GRIK2: variants seen among roughly 807,000 people sequenced by gnomAD.
GRIK2 encodes glutamate ionotropic receptor kainate type subunit 2, also known as glutamate receptor ionotropic, kainate 2.
Under a neutral mutation model 100.3 loss-of-function variants are expected in GRIK2, and 32 were observed. The observed-to-expected ratio is 0.32, with a 90% CI of 0.24 to 0.43. The LOEUF (loss-of-function observed/expected upper bound fraction) is 0.43. GRIK2 is among the 20% of genes least tolerant of loss of function. The probability of loss-of-function intolerance (pLI) is 1.00; values close to 1 mark genes in which losing one functional copy is unlikely to be tolerated. For synonymous variants in GRIK2, 417 were observed against 389.4 expected, an observed-to-expected ratio of 1.07 and a Z score of -0.83; for missense variants, 843 against 1,114.9, an observed-to-expected ratio of 0.76 and a Z score of 3.47.
At chr6:101,886,844 G>A (rs1258786039) in intron 11 of GRIK2, among the ~76,000 whole-genome samples, 1 of 39,000 alleles carries the variant, frequency 2.6e-5, no homozygotes, top group African/African-American at 1.0e-4. Context: ...TTTTTTTTTT[G>A]GAGACAGAGT....
At chr6:101,828,836 C>T (rs1782497678) in intron 10 of GRIK2, among the ~76,000 whole-genome samples, 1 of 151,878 alleles carries the variant, frequency 6.6e-6, no homozygotes, top group Admixed American at 6.6e-5. Context: ...ATTATATGCA[C>T]AAAGAAGAGC....
intron 5 of GRIK2, among the ~76,000 whole-genome samples, chr6:101,681,273 G>A (rs949927947): frequency 3.3e-5 from 5 of 152,038 alleles, no homozygotes; most frequent in Non-Finnish European, 7.4e-5. Context: ...TTGTTTGTTT[G>A]TTTTGTAATG....
At chr6:101,418,038 G>A (rs752560539) in intron 2 of GRIK2, among the ~76,000 whole-genome samples, 10 of 152,172 alleles carry the variant, frequency 6.6e-5, no homozygotes, top group East Asian at 3.8e-4. Context: ...GACTACTAGC[G>A]TCAGCTTCTG....
chr6:101,798,736 G>A (rs1780476616), intron 7 of GRIK2, among the ~76,000 whole-genome samples: 1 of 151,998 alleles, frequency 6.6e-6, no homozygotes, highest in Non-Finnish European at 1.5e-5. Context: ...TAGGAGCATT[G>A]TCAGTGTGGC....
chr6:101,529,080 G>A (rs559774018), intron 2 of GRIK2, among the ~76,000 whole-genome samples: 4 of 152,150 alleles, frequency 2.6e-5, no homozygotes, highest in African/African-American at 9.6e-5. Flanking sequence ...ACAAAAAGTA[G>A]GAGTGCCTAG....
chr6:101,624,365 C>T (rs1780324700), intron 3 of GRIK2, among the ~76,000 whole-genome samples: 1 of 152,036 alleles, frequency 6.6e-6, no homozygotes, highest in Non-Finnish European at 1.5e-5. Context: ...CAAGTCTAGC[C>T]ACCATTTATA....
At chr6:101,527,978 G>A (rs1775237345) in intron 2 of GRIK2, among the ~76,000 whole-genome samples, 1 of 152,082 alleles carries the variant, frequency 6.6e-6, no homozygotes, top group South Asian at 2.1e-4. Context: ...GCATGGATTT[G>A]TAGGGTCTGT....
At chr6:101,439,343 C>T (rs1007750542) in intron 2 of GRIK2, among the ~76,000 whole-genome samples, 1 of 152,034 alleles carries the variant, frequency 6.6e-6, no homozygotes, top group African/African-American at 2.4e-5. Flanking sequence ...AGGCCTTTAC[C>T]CTCAGAAAGC....
chr6:101,838,529 C>T (rs191678856), intron 10 of GRIK2, among the ~76,000 whole-genome samples: 2 of 152,134 alleles, frequency 1.3e-5, no homozygotes, highest in Non-Finnish European at 2.9e-5. Flanking sequence ...GTGGTATTAC[C>T]TACGTATCAA....
At chr6:101,450,004 T>G (rs1028703598) in intron 2 of GRIK2, among the ~76,000 whole-genome samples, 1 of 151,754 alleles carries the variant, frequency 6.6e-6, no homozygotes, top group Non-Finnish European at 1.5e-5. Context: ...TGTTCATTTT[T>G]TGTTCTTTAT....
At chr6:101,526,389 A>C (rs369684503) in intron 2 of GRIK2, among the ~76,000 whole-genome samples, 14 of 152,200 alleles carry the variant, frequency 9.2e-5, no homozygotes, top group African/African-American at 3.4e-4. Flanking sequence ...TTAGAAAACT[A>C]TATGCATTTG....
chr6:101,433,587 T>A (rs1769544321), intron 2 of GRIK2, among the ~76,000 whole-genome samples: 1 of 151,982 alleles, frequency 6.6e-6, no homozygotes, highest in African/African-American at 2.4e-5. Flanking sequence ...TGTCTAAAAA[T>A]TATCTTTATT....
At chr6:101,705,748 A>G (rs1202998235) in intron 7 of GRIK2, among the ~76,000 whole-genome samples, 2 of 151,914 alleles carry the variant, frequency 1.3e-5, no homozygotes, top group African/African-American at 4.8e-5. Flanking sequence ...TCAAATGACA[A>G]AGTTAAGTGT....
At chr6:101,428,928 T>A in intron 2 of GRIK2, among the ~76,000 whole-genome samples, 1 of 152,248 alleles carries the variant, frequency 6.6e-6, no homozygotes, top group Admixed American at 6.5e-5. Context: ...CCTTTCAAAT[T>A]CTTAGGTTTC....
rs1459916515 is a variant in GRIK2, at chr6:101,686,161, A to G, written c.778-19A>G. Reference sequence around the variant, plus strand: ...GATACTCTGTCCATAATAACAACACAATAACATTTGTCTTTCAGGACCTCT... The same window carrying G: ...GATACTCTGTCCATAATAACAACACGATAACATTTGTCTTTCAGGACCTCT... On this transcript the variant is annotated intron_variant, in intron 6 of 16. Coordinates refer to ENST00000369134, the MANE Select transcript of GRIK2 (RefSeq NM_021956.5). 5 of 1,600,892 alleles carry G rather than the reference A, an allele frequency of 3.1e-6. No homozygotes were observed. Among genetic ancestry groups the G allele is most frequent in the Non-Finnish European group, 2.6e-6 (3 of 1,169,850 alleles).
At chr6:102,020,524 C>A (rs1252104006) in intron 14 of GRIK2, among the ~76,000 whole-genome samples, 1 of 151,738 alleles carries the variant, frequency 6.6e-6, no homozygotes, top group Non-Finnish European at 1.5e-5. Context: ...ATCAGACATC[C>A]CTTGCCGGAT....
chr6:101,692,505 A>T (rs1025119638), intron 7 of GRIK2, among the ~76,000 whole-genome samples: 1 of 152,138 alleles, frequency 6.6e-6, no homozygotes, highest in Non-Finnish European at 1.5e-5. Flanking sequence ...AAATCAGAAG[A>T]TAGTAACTGT....
chr6:101,861,325 T>C (rs2128443998), intron 11 of GRIK2, among the ~76,000 whole-genome samples: 1 of 152,232 alleles, frequency 6.6e-6, no homozygotes, highest in Admixed American at 6.5e-5. Context: ...AACATAAACA[T>C]TTAGATGGTA....
intron 2 of GRIK2, among the ~76,000 whole-genome samples, chr6:101,575,094 T>C (rs1364822005): frequency 6.6e-6 from 1 of 151,826 alleles, no homozygotes; most frequent in Non-Finnish European, 1.5e-5. Context: ...AGAATAATTT[T>C]ATTGCCTCTT....
Sources: gnomAD v4.1 joint callset for allele counts (sites outside exome capture counted in the v4.1 genomes callset) on GRCh38, gnomAD v4.1.1 for gene constraint, MANE v1.5 for transcripts, NCBI Gene and HGNC (gene_info 2026-07-23, HGNC 2026-07-21) for gene names.